The following KCNQ1OT1 variants were observed in gnomAD, a reference collection of about 807,000 sequenced individuals.
KCNQ1OT1 encodes KCNQ1 antisense RNA 2 (non-protein coding).
chr11:2,621,148 T>A lies in KCNQ1OT1; in HGVS notation n.78847A>T. ...GACCGCCACCATACCTGGCTAATTT[T>A]TGTGTTTTTAGTAGAGACGGGGTTT... On this transcript the variant is annotated non_coding_transcript_exon_variant, in exon 1 of 1. Transcript: ENST00000597346. This position sits in a 1 kb window ranked among gnomAD's most constrained non-coding sequence, Gnocchi z 5.7. 2.5e-6 allele frequency: 1 copy of A among 397,366 alleles called. No individual in the cohort carries two copies. Among genetic ancestry groups the A allele is most frequent in the Non-Finnish European group, 4.4e-6 (1 of 225,864 alleles). The allele number at this position is 397,366 out of a possible 1,614,324, so 24.6% of individuals were successfully genotyped here. A position where few individuals can be genotyped will look rare whatever the true frequency, so the allele number is the denominator to read the frequency against.
rs1850131935 is a variant in KCNQ1OT1 at position 2,668,926 on chromosome 11, C to A, written n.31069G>T. ...TTTATTCTAAAGCTTTATTAGCTCA[C>A]CTTTCCCATGTAGATCTGCACTCCA... On this transcript the variant is annotated non_coding_transcript_exon_variant, in exon 1 of 1. Transcript: ENST00000597346. This position sits in a 1 kb window ranked among gnomAD's most constrained non-coding sequence, Gnocchi z 4.3. The A allele has an allele frequency of 2.5e-6, 1 of 398,500 alleles. No homozygotes were observed. The highest frequency in any genetic ancestry group is 2.1e-5 in the African/African-American group (1 of 48,606). The allele number at this position is 398,500 out of a possible 1,614,324, so 24.7% of individuals were successfully genotyped here.
rs1161047296 is a variant in KCNQ1OT1, at chr11:2,676,604, A to C, written n.23391T>G. 2.5e-6 allele frequency: 1 copy of C among 398,562 alleles called. No homozygotes were observed. Among genetic ancestry groups the C allele is most frequent in the East Asian group, 3.6e-5 (1 of 28,098 alleles). The allele number at this position is 398,562 out of a possible 1,614,324, so 24.7% of individuals were successfully genotyped here. ...GTATTCAACAGCCAGCTCTCCAAAG[A>C]GGCCTCTAAGAAATGGGTAGCTTCA... On this transcript the variant is annotated non_coding_transcript_exon_variant, in exon 1 of 1. Coordinates refer to ENST00000597346, the Ensembl canonical transcript of KCNQ1OT1. The surrounding 1 kb of genome is among the most constrained non-coding windows in gnomAD (Gnocchi z 4.2).
exon 1 of KCNQ1OT1, chr11:2,699,166 T>C (rs1342783629): frequency 5.0e-6 from 2 of 398,240 alleles, no homozygotes; most frequent in Non-Finnish European, 8.9e-6. Flanking sequence ...TGAACCACCA[T>C]GAGAACTATA....
chr11:2,610,256 C>T, exon 1 of KCNQ1OT1: 1 of 397,934 alleles, frequency 2.5e-6, no homozygotes, highest in Non-Finnish European at 4.4e-6. Flanking sequence ...TGGTGAGATA[C>T]AGAAGTTATT....
chr11:2,644,714 T>G, exon 1 of KCNQ1OT1: 1 of 398,624 alleles, frequency 2.5e-6, no homozygotes, highest in African/African-American at 2.1e-5. Flanking sequence ...AGAGTCTTGT[T>G]CCTGAAGATA....
At chr11:2,693,735 G>A (rs1366472290) in exon 1 of KCNQ1OT1, 1 of 398,688 alleles carries the variant, frequency 2.5e-6, no homozygotes, top group Non-Finnish European at 4.4e-6. Context: ...CTGGAACCCT[G>A]GGTTATACAG....
At chr11:2,644,477 T>A (rs1849636038) in exon 1 of KCNQ1OT1, 1 of 398,362 alleles carries the variant, frequency 2.5e-6, no homozygotes, top group African/African-American at 2.1e-5. Context: ...ATACCCCGAA[T>A]TGTTTTTTCT....
rs568306051 is a variant in KCNQ1OT1, at chr11:2,665,384, AC to A, written n.34610del. On this transcript the variant is annotated non_coding_transcript_exon_variant, in exon 1 of 1. Transcript: ENST00000597346. ...ACCCCCATGACAAGAGGAGCCCTGT[AC>A]CCCAAGAGCCAGGATGAGTTCCTGG... is the stretch of plus-strand genomic sequence containing the variant. 1.5e-3 allele frequency: 610 copies of A among 397,932 alleles called. 1 individual carries two copies. Among genetic ancestry groups the A allele is most frequent in the Non-Finnish European group, 2.0e-3 (441 of 225,946 alleles). 24.7% of individuals were successfully genotyped at this position (397,932 alleles called of 1,614,324 possible). A position where few individuals can be genotyped will look rare whatever the true frequency, so the allele number is the denominator to read the frequency against.
chr11:2,637,424 C>T (rs1235284599), exon 1 of KCNQ1OT1: 1 of 152,190 alleles, frequency 6.6e-6, no homozygotes, highest in East Asian at 1.9e-4. Context: ...TATTTCTCTG[C>T]CTTCATTTCG....
At position 2,671,790 on chromosome 11, in the gene KCNQ1OT1, G is replaced by A. The variant is rs2133869163; in HGVS notation, n.28205C>T. On this transcript the variant is annotated non_coding_transcript_exon_variant, in exon 1 of 1. Transcript: ENST00000597346. The surrounding 1 kb of genome is among the most constrained non-coding windows in gnomAD (Gnocchi z 4.7). ...GCACATAATCATTCTGACCCAGTCAGGGTTCTTCCCCCAAATAAATCCCTG... is the reference window on the plus strand; with the variant it reads ...GCACATAATCATTCTGACCCAGTCAAGGTTCTTCCCCCAAATAAATCCCTG... The A allele has an allele frequency of 2.5e-6, 1 of 398,708 alleles. No individual in the cohort carries two copies. Among genetic ancestry groups the A allele is most frequent in the Non-Finnish European group, 4.4e-6 (1 of 226,130 alleles). 24.7% of individuals were successfully genotyped at this position (398,708 alleles called of 1,614,324 possible). A position where few individuals can be genotyped will look rare whatever the true frequency, so the allele number is the denominator to read the frequency against.
rs578168565 is a variant in KCNQ1OT1, at chr11:2,671,148, A to T, written n.28847T>A. On this transcript the variant is annotated non_coding_transcript_exon_variant, in exon 1 of 1. Transcript: ENST00000597346. The surrounding 1 kb of genome is among the most constrained non-coding windows in gnomAD (Gnocchi z 4.7). ...CCTGGTTGGTCCCATGGGAGGCCTG[A>T]GGTGCCATCTTAGAAATAGGGCCTT... 1 of 398,648 alleles carries T rather than the reference A, an allele frequency of 2.5e-6. No homozygotes were observed. The highest frequency in any genetic ancestry group is 2.1e-5 in the African/African-American group (1 of 48,732). 24.7% of individuals were successfully genotyped at this position (398,648 alleles called of 1,614,324 possible). A position where few individuals can be genotyped will look rare whatever the true frequency, so the allele number is the denominator to read the frequency against.
chr11:2,656,483 C>A (rs748645771), exon 1 of KCNQ1OT1: 13 of 398,576 alleles, frequency 3.3e-5, no homozygotes, highest in Non-Finnish European at 5.7e-5. Context: ...TGCCACTCGC[C>A]CCCACGGGCC....
Position 2,683,398 on chromosome 11 carries a change from T to C in KCNQ1OT1, n.16597A>G, listed in dbSNP as rs1705729764. 2.5e-6 allele frequency: 1 copy of C among 398,664 alleles called. No individual in the cohort carries two copies. 24.7% of individuals were successfully genotyped at this position (398,664 alleles called of 1,614,324 possible). A position where few individuals can be genotyped will look rare whatever the true frequency, so the allele number is the denominator to read the frequency against. On this transcript the variant is annotated non_coding_transcript_exon_variant, in exon 1 of 1. Transcript: ENST00000597346. This position sits in a 1 kb window ranked among gnomAD's most constrained non-coding sequence, Gnocchi z 4.7. ...CAGGTTCCTGGGGCTCTGGGTGGTT[T>C]GTCCAATGGCTAAGCTTTCCCCAGG...
chr11:2,615,431 A>C (rs551678211), exon 1 of KCNQ1OT1: 7 of 398,038 alleles, frequency 1.8e-5, no homozygotes, highest in African/African-American at 1.4e-4. Context: ...TAAAACTTTC[A>C]GTACATTGTT....
At chr11:2,699,932 C>T in exon 1 of KCNQ1OT1, 1 of 398,384 alleles carries the variant, frequency 2.5e-6, no homozygotes, top group East Asian at 3.6e-5. Flanking sequence ...GAGGGGCGCC[C>T]TGGCAGGATC....
chr11:2,660,944 A>T (rs562642938), exon 1 of KCNQ1OT1: 4 of 398,564 alleles, frequency 1.0e-5, no homozygotes, highest in Non-Finnish European at 1.8e-5. Context: ...GATATACAGA[A>T]TGGTTAGCTG....
At chr11:2,692,847 A>G (rs533370584) in exon 1 of KCNQ1OT1, 5 of 398,614 alleles carry the variant, frequency 1.3e-5, no homozygotes, top group Non-Finnish European at 8.8e-6. Context: ...CCTGTTAGAC[A>G]TAATTCACTG....
exon 1 of KCNQ1OT1, chr11:2,628,774 A>C (rs77507212): frequency 0.013 from 5,107 of 398,308 alleles, 155 homozygotes; most frequent in East Asian, 0.079. Flanking sequence ...ATATGTTTAA[A>C]TCTTATTCAC....
chr11:2,612,601 A>C lies in KCNQ1OT1; in HGVS notation n.87394T>G, dbSNP rs568253928. The C allele has an allele frequency of 1.0e-5, 4 of 398,520 alleles. No homozygotes were observed. Among genetic ancestry groups the C allele is most frequent in the Non-Finnish European group, 1.3e-5 (3 of 226,052 alleles). The allele number at this position is 398,520 out of a possible 1,614,324, so 24.7% of individuals were successfully genotyped here. A position where few individuals can be genotyped will look rare whatever the true frequency, so the allele number is the denominator to read the frequency against. On this transcript the variant is annotated non_coding_transcript_exon_variant, in exon 1 of 1. Transcript: ENST00000597346. The surrounding 1 kb of genome is among the most constrained non-coding windows in gnomAD (Gnocchi z 5.5). ...AATTTCTATTTGGTTTCTAATTTCTATCTCTATATTGATATTATCTATTTG... is the reference window on the plus strand; with the variant it reads ...AATTTCTATTTGGTTTCTAATTTCTCTCTCTATATTGATATTATCTATTTG...
Sources: allele counts gnomAD v4.1 joint callset, GRCh38; gene constraint gnomAD v4.1.1; non-coding constraint Gnocchi (gnomAD v3.1); transcripts MANE v1.5; gene names NCBI Gene and HGNC (gene_info 2026-07-23, HGNC 2026-07-21).